GPLD1: variants seen among roughly 807,000 people sequenced by gnomAD.
The protein encoded by GPLD1 is phosphatidylinositol-glycan-specific phospholipase D.
A neutral mutation model predicts 112.6 loss-of-function variants in GPLD1; 84 were observed. The observed-to-expected ratio is 0.75, with a 90% CI of 0.63 to 0.89. The LOEUF (loss-of-function observed/expected upper bound fraction) is 0.89. Ranked by LOEUF, GPLD1 falls within the 40% of genes least tolerant of loss-of-function variation. The probability of loss-of-function intolerance (pLI) is 0.00; values close to 1 mark genes in which losing one functional copy is unlikely to be tolerated. For synonymous variants in GPLD1, 386 were observed against 403.8 expected, an observed-to-expected ratio of 0.96 and a Z score of 0.53; for missense variants, 1,044 against 1,051.5, an observed-to-expected ratio of 0.99 and a Z score of 0.10.
intron 12 of GPLD1, among the ~76,000 whole-genome samples, chr6:24,459,947 G>A (rs1763382230): frequency 6.6e-6 from 1 of 152,128 alleles, no homozygotes; most frequent in Non-Finnish European, 1.5e-5. Flanking sequence ...GACCCAGGCT[G>A]GAGTGCACTG....
chr6:24,436,801 C>T (rs762575866), intron 21 of GPLD1, 65 bp from the exon 22 acceptor site: 78 of 1,520,100 alleles, frequency 5.1e-5, no homozygotes, highest in Middle Eastern at 1.7e-4. Flanking sequence ...TTCCTTGTTC[C>T]GCTACTGGAT....
intron 20 of GPLD1, among the ~76,000 whole-genome samples, chr6:24,444,839 A>C (rs1353642018): frequency 6.6e-6 from 1 of 152,048 alleles, no homozygotes; most frequent in Non-Finnish European, 1.5e-5. Flanking sequence ...ACACAGCAAG[A>C]CTGTCTCAAA....
Position 24,427,574 on chromosome 6 carries a change from T to G in GPLD1, c.*1458A>C, listed in dbSNP as rs182295262. Among the ~76,000 whole-genome samples, 3 of 152,244 alleles carry G rather than the reference T, an allele frequency of 2.0e-5. No homozygotes were observed. Among genetic ancestry groups the G allele is most frequent in the East Asian group, 3.9e-4 (2 of 5,170 alleles). On this transcript the variant is annotated 3_prime_UTR_variant, in exon 25 of 25. Coordinates refer to ENST00000230036, the MANE Select transcript of GPLD1 (RefSeq NM_001503.4). ...TAAGAAAGGATTATCGGCCAGGTCC[T>G]GTGGCTCACACATGTAATCCCAGCA...
chr6:24,484,971 C>T (rs1204251592), intron 2 of GPLD1, among the ~76,000 whole-genome samples: 2 of 152,168 alleles, frequency 1.3e-5, no homozygotes, highest in East Asian at 3.8e-4. Context: ...GAAAGAATTA[C>T]ACCTTCGTCA....
chr6:24,461,811 C>G (rs1763447273), intron 11 of GPLD1, among the ~76,000 whole-genome samples: 1 of 152,144 alleles, frequency 6.6e-6, no homozygotes, highest in Non-Finnish European at 1.5e-5. Flanking sequence ...ACAATGATAT[C>G]TCTAGTGCCT....
At chr6:24,434,026 A>G (rs2793423) in intron 22 of GPLD1, among the ~76,000 whole-genome samples, 100,961 of 151,982 alleles carry the variant, frequency 0.66, 36,037 homozygotes, top group Non-Finnish European at 0.81. Context: ...AATACTCATC[A>G]GCCGGTAAAT....
intron 1 of GPLD1, among the ~76,000 whole-genome samples, chr6:24,487,232 C>T (rs1173356499): frequency 6.6e-6 from 1 of 151,826 alleles, no homozygotes; most frequent in East Asian, 1.9e-4. Context: ...TTCTAATTAA[C>T]TCACTCAGAT....
intron 1 of GPLD1, among the ~76,000 whole-genome samples, chr6:24,487,648 A>G (rs1266142989): frequency 2.0e-5 from 3 of 152,162 alleles, no homozygotes; most frequent in Non-Finnish European, 4.4e-5. Context: ...ACACTTTAGA[A>G]TTCTTTAAGA....
intron 1 of GPLD1, among the ~76,000 whole-genome samples, chr6:24,486,645 C>T (rs1172996987): frequency 2.0e-5 from 3 of 151,952 alleles, no homozygotes; most frequent in South Asian, 2.1e-4. Context: ...GGAGAAACCC[C>T]GTCTCTACTA....
chr6:24,494,419 A>G (rs767625198), upstream of GPLD1, among the ~76,000 whole-genome samples: 1 of 152,144 alleles, frequency 6.6e-6, no homozygotes, highest in Non-Finnish European at 1.5e-5. Context: ...CACCCAAAAA[A>G]GCAGCCAGGC....
chr6:24,494,486 C>G (rs1293068716), upstream of GPLD1, among the ~76,000 whole-genome samples: 1 of 152,190 alleles, frequency 6.6e-6, no homozygotes, highest in Admixed American at 6.5e-5. Context: ...CCAATCAATA[C>G]TACGTGCTCA....
intron 7 of GPLD1, among the ~76,000 whole-genome samples, chr6:24,470,719 C>T (rs961916002): frequency 2.0e-5 from 3 of 152,186 alleles, no homozygotes; most frequent in South Asian, 2.1e-4. Flanking sequence ...CTGCCTCAGC[C>T]TCCCAAGTTG....
chr6:24,457,974 G>A lies in GPLD1; in HGVS notation c.1009-1337C>T, dbSNP rs192197945. On this transcript the variant is annotated intron_variant, in intron 12 of 24. Coordinates refer to ENST00000230036, the MANE Select transcript of GPLD1 (RefSeq NM_001503.4). The stretch of plus-strand genomic sequence containing the variant: ...GGTCACATGCAGAATGCTAGGAGCC[G>A]TACACCACAGAATTTGGGGGACAAC... Among the ~76,000 whole-genome samples the A allele has an allele frequency of 2.7e-4, 41 of 151,986 alleles. No individual in the cohort carries two copies. The East Asian group carries it at 4.4e-3, about 16-fold the overall frequency.
chr6:24,495,286 A>G (rs1479579407), upstream of GPLD1: 8 of 1,532,698 alleles, frequency 5.2e-6, no homozygotes, highest in African/African-American at 1.4e-5. Context: ...GGGGTGCGAG[A>G]GGCCCGCGCC....
intron 6 of GPLD1, 143 bp downstream of exon 6, chr6:24,473,476 T>C: frequency 3.6e-6 from 2 of 551,892 alleles, no homozygotes; most frequent in Admixed American, 5.8e-5. Flanking sequence ...GGTACATCTC[T>C]ACTCTAAATG....
chr6:24,450,041 T>A (rs1222924989), intron 14 of GPLD1, 142 bp from the exon 15 acceptor site: 1 of 586,954 alleles, frequency 1.7e-6, no homozygotes, highest in Admixed American at 3.1e-5. Flanking sequence ...CTATAACATA[T>A]CTGCAACACA....
chr6:24,476,328 T>C (rs1379278997), intron 3 of GPLD1, 50 bp from the exon 4 acceptor site: 1 of 929,296 alleles, frequency 1.1e-6, no homozygotes, highest in Admixed American at 2.0e-5. Flanking sequence ...AGTTGGAGAG[T>C]CTCAATCAAA....
chr6:24,486,199 T>C, intron 1 of GPLD1, 69 bp from the exon 2 acceptor site: 1 of 943,696 alleles, frequency 1.1e-6, no homozygotes, highest in South Asian at 1.4e-5. Context: ...GGCGAGATGA[T>C]TTTAAAAGAA....
intron 22 of GPLD1, among the ~76,000 whole-genome samples, chr6:24,435,216 T>G (rs1215510518): frequency 6.6e-6 from 1 of 150,532 alleles, no homozygotes; most frequent in Non-Finnish European, 1.5e-5. Flanking sequence ...TTTCACAGTG[T>G]TAGCCAGGAT....
Sources: gnomAD v4.1 joint callset for allele counts (sites outside exome capture counted in the v4.1 genomes callset) on GRCh38, gnomAD v4.1.1 for gene constraint, MANE v1.5 for transcripts, NCBI Gene and HGNC (gene_info 2026-07-23, HGNC 2026-07-21) for gene names.